Variants in PACS1 observed in about 807,000 individuals in gnomAD.
The protein encoded by PACS1 is phosphofurin acidic cluster sorting protein 1.
PACS1 carries 24 observed loss-of-function variants against 115.0 expected under a neutral mutation model. The observed-to-expected ratio is 0.21, with a 90% confidence interval of 0.15 to 0.29. The LOEUF (loss-of-function observed/expected upper bound fraction) is 0.29, where lower values mean the gene tolerates loss of function less well. Among genes scored for constraint, PACS1 ranks in the 10% least tolerant of loss-of-function variants. The pLI is 1.00. For synonymous variants in PACS1, 453 were observed against 504.5 expected (o/e 0.90, Z 1.37); for missense variants, 838 against 1,251.2 (o/e 0.67, Z 4.98).
intron 21 of PACS1, 40 bp downstream of exon 21, chr11:66,239,317 T>TCAGGCC (rs745713480): frequency 1.3e-6 from 2 of 1,583,930 alleles, no homozygotes; most frequent in South Asian, 2.2e-5. Context: ...ATGCCCTCCA[T>TCAGGCC]CAGGCCCACC....
chr11:66,106,590 A>T (rs572026849), intron 1 of PACS1, among the ~76,000 whole-genome samples: 13 of 151,980 alleles, frequency 8.6e-5, no homozygotes, highest in African/African-American at 3.1e-4. Context: ...AAATATAAAA[A>T]AATTAGCCAG....
chr11:66,182,020 G>A (rs928910512), intron 1 of PACS1, among the ~76,000 whole-genome samples: 1 of 152,228 alleles, frequency 6.6e-6, no homozygotes, highest in Admixed American at 6.5e-5. Context: ...CTATTTTATA[G>A]ATGAGAAAGC....
chr11:66,202,618 G>A (rs977057390), intron 2 of PACS1, among the ~76,000 whole-genome samples: 2 of 150,728 alleles, frequency 1.3e-5, no homozygotes, highest in African/African-American at 4.9e-5. Context: ...GCTGGGTGTT[G>A]TGGCTCCCAC....
chr11:66,075,776 G>A lies in PACS1; in HGVS notation c.356+4934G>A, dbSNP rs142438259. Among the ~76,000 whole-genome samples, 17 of 126,324 alleles carry A rather than the reference G, an allele frequency of 1.3e-4. No individual in the cohort carries two copies. The East Asian group carries it at 3.8e-3, about 29-fold the overall frequency. 82.9% of individuals were successfully genotyped at this position (126,324 alleles called of 152,430 possible). ...TTTTTTTGAGACGGAGTCTCGCTCTGTCCCCCGGCTGGAATGCAGTGGCGC... is the reference window on the plus strand; with the variant it reads ...TTTTTTTGAGACGGAGTCTCGCTCTATCCCCCGGCTGGAATGCAGTGGCGC... On this transcript the variant is annotated intron_variant, in intron 1 of 23. Transcript: ENST00000320580.
chr11:66,103,818 A>G (rs1414407543), intron 1 of PACS1, among the ~76,000 whole-genome samples: 1 of 151,938 alleles, frequency 6.6e-6, no homozygotes, highest in Non-Finnish European at 1.5e-5. Flanking sequence ...CCAGCTGGAA[A>G]ATTTTTTAAA....
At chr11:66,155,548 T>C (rs1735324820) in intron 1 of PACS1, among the ~76,000 whole-genome samples, 1 of 152,142 alleles carries the variant, frequency 6.6e-6, no homozygotes, top group South Asian at 2.1e-4. Context: ...GAACTACCGC[T>C]CTTTACCCTC....
chr11:66,131,613 C>G (rs576483683), intron 1 of PACS1, among the ~76,000 whole-genome samples: 1 of 152,044 alleles, frequency 6.6e-6, no homozygotes, highest in African/African-American at 2.4e-5. Context: ...AAGATTTGTG[C>G]TTTTTGATGT....
intron 1 of PACS1, among the ~76,000 whole-genome samples, chr11:66,190,820 A>G (rs1590808027): frequency 6.6e-6 from 1 of 152,134 alleles, no homozygotes. Context: ...GGGATTTTGG[A>G]GGAAACAGCA....
chr11:66,212,725 T>C (rs1855104471), intron 4 of PACS1, among the ~76,000 whole-genome samples: 1 of 152,198 alleles, frequency 6.6e-6, no homozygotes, highest in African/African-American at 2.4e-5. Context: ...CCTTATCACA[T>C]TTCACCCACT....
intron 1 of PACS1, among the ~76,000 whole-genome samples, chr11:66,095,470 T>G (rs563798340): frequency 6.6e-6 from 1 of 152,334 alleles, no homozygotes; most frequent in African/African-American, 2.4e-5. Flanking sequence ...GAATTGTTGT[T>G]GTTTTGAGAC....
At chr11:66,207,059 C>G (rs1276307858) in intron 2 of PACS1, among the ~76,000 whole-genome samples, 1 of 152,212 alleles carries the variant, frequency 6.6e-6, no homozygotes, top group Non-Finnish European at 1.5e-5. Context: ...CCCACTGTTT[C>G]CCTTCACCAG....
chr11:66,216,033 G>T (rs1300405379), intron 4 of PACS1, 86 bp from the exon 5 acceptor site: 1 of 1,250,980 alleles, frequency 8.0e-7, no homozygotes, highest in Non-Finnish European at 1.1e-6. Flanking sequence ...GAATGCTGTT[G>T]CCCCTGGGGT....
chr11:66,127,620 A>G (rs567965705), intron 1 of PACS1, among the ~76,000 whole-genome samples: 5 of 152,250 alleles, frequency 3.3e-5, no homozygotes, highest in East Asian at 1.9e-4. Flanking sequence ...AGCGACAGAC[A>G]TAGTGTGGTG....
chr11:66,202,784 C>A (rs1359042852), intron 2 of PACS1, among the ~76,000 whole-genome samples: 6 of 92,204 alleles, frequency 6.5e-5, no homozygotes, highest in African/African-American at 1.4e-4. Context: ...TATATATATT[C>A]TGAAAAAGCA....
rs1410343795 is a variant in PACS1 at position 66,070,674 on chromosome 11, C to T, written c.188C>T (p.Ala63Val). 4.5e-6 allele frequency: 7 copies of T among 1,572,524 alleles called. No individual in the cohort carries two copies. The highest frequency in any genetic ancestry group is 6.0e-6 in the Non-Finnish European group (7 of 1,166,386). ...ATSSSSSTSA[A>V]AASSSSSSTS... ...TCGTCGTCCTCGTCCACCTCGGCGG[C>T]GGCTGCCTCCTCCTCGTCCTCGTCT... Residue 63 changes from alanine (A) to valine (V), a missense_variant, in exon 1 of 24, where the codon GCG (alanine) becomes GTG (valine). Around this residue, in one of 6 missense-constraint regions of PACS1, gnomAD observed 129 missense variants for 109.4 expected, o/e 1.18. Transcript: ENST00000320580. The surrounding 1 kb of genome is among the most constrained non-coding windows in gnomAD (Gnocchi z 5.9).
chr11:66,199,356 A>G (rs1045613464), intron 2 of PACS1, among the ~76,000 whole-genome samples: 1 of 151,548 alleles, frequency 6.6e-6, no homozygotes, highest in East Asian at 1.9e-4. Flanking sequence ...AAGTTGAACT[A>G]TAGAGTTTTT....
At chr11:66,240,868 C>T (rs1855798395) in intron 21 of PACS1, 1 of 152,244 alleles carries the variant, frequency 6.6e-6, no homozygotes, top group African/African-American at 2.4e-5. Context: ...GTGTCTGACA[C>T]CTCCTTTCAA....
chr11:66,181,879 T>A (rs1194167096), intron 1 of PACS1, among the ~76,000 whole-genome samples: 1 of 152,234 alleles, frequency 6.6e-6, no homozygotes, highest in Non-Finnish European at 1.5e-5. Context: ...TGACTAGGAT[T>A]CGTCAAATGC....
Position 66,233,533 on chromosome 11 carries a change from ACACT to A in PACS1, c.1839-251_1839-248del, listed in dbSNP as rs1855642959. On this transcript the variant is annotated intron_variant, in intron 15 of 23. Transcript: ENST00000320580. The surrounding 1 kb of genome is among the most constrained non-coding windows in gnomAD (Gnocchi z 4.5). Reference sequence around the variant, plus strand: ...CACACACCCTGCGGGCATCCCAGGCACACTGCCGAGTCCTACGTTAGCCTCAGCT... The same window carrying A: ...CACACACCCTGCGGGCATCCCAGGCAGCCGAGTCCTACGTTAGCCTCAGCT... Among the ~76,000 whole-genome samples the A allele has an allele frequency of 6.6e-6, 1 of 152,232 alleles. No homozygotes were observed. The highest frequency in any genetic ancestry group is 6.5e-5 in the Admixed American group (1 of 15,286).
Sources: allele counts gnomAD v4.1 joint callset (sites outside exome capture counted in the v4.1 genomes callset), GRCh38; gene constraint gnomAD v4.1.1; regional missense constraint gnomAD v4.1.1; non-coding constraint Gnocchi (gnomAD v3.1); transcripts MANE v1.5; gene names NCBI Gene and HGNC (gene_info 2026-07-23, HGNC 2026-07-21).